ZNF480: variants seen among roughly 807,000 people sequenced by gnomAD.
ZNF480 encodes the protein zinc finger protein 480.
Under a neutral mutation model 14.4 loss-of-function variants are expected in ZNF480, and 15 were observed. That is an observed-to-expected ratio of 1.04 (90% confidence interval 0.70 to 1.60). The LOEUF is 1.60. Ranked by LOEUF, ZNF480 falls within the 40% of genes most tolerant of loss-of-function variation. ZNF480 has a pLI of 0.00. For missense variants in ZNF480, 593 were observed against 629.7 expected (o/e 0.94, Z 0.62); for synonymous variants, 218 against 215.5 (o/e 1.01, Z -0.10).
At position 52,324,689 on chromosome 19, in the gene ZNF480, C is replaced by T. The variant is rs1465690093; in HGVS notation, c.*1831C>T. ...AAACTGACAAGCAATGAAGTAAGAA[C>T]TTCATTCAATAAGTGGTGCTGGCAT... On this transcript the variant is annotated 3_prime_UTR_variant, in exon 5 of 5. Coordinates refer to ENST00000595962, the MANE Select transcript of ZNF480 (RefSeq NM_144684.4). 3 of 152,194 alleles carry T rather than the reference C, an allele frequency of 2.0e-5. No homozygotes were observed. Among genetic ancestry groups the T allele is most frequent in the Middle Eastern group, 3.4e-3 (1 of 294 alleles). The allele number at this position is 152,194 out of a possible 1,614,324, so 9.4% of individuals were successfully genotyped here.
intron 2 of ZNF480, among the ~76,000 whole-genome samples, chr19:52,302,462 C>CTA: frequency 6.6e-6 from 1 of 152,232 alleles, no homozygotes; most frequent in Middle Eastern, 3.4e-3. Context: ...GTTTAATACT[C>CTA]TATATAGAGA....
chr19:52,311,567 A>G (rs985742000), intron 2 of ZNF480, among the ~76,000 whole-genome samples: 2 of 152,180 alleles, frequency 1.3e-5, no homozygotes, highest in Admixed American at 1.3e-4. Flanking sequence ...TAATGGCTTA[A>G]TATACAGCAA....
At chr19:52,306,567 C>T (rs1982941275) in intron 2 of ZNF480, among the ~76,000 whole-genome samples, 2 of 152,174 alleles carry the variant, frequency 1.3e-5, no homozygotes, top group Admixed American at 6.5e-5. Context: ...TAGACAAGCT[C>T]AAGTAAGTGC....
At chr19:52,312,898 G>A (rs151100502) in intron 2 of ZNF480, among the ~76,000 whole-genome samples, 163 of 151,856 alleles carry the variant, frequency 1.1e-3, no homozygotes, top group African/African-American at 3.6e-3. Flanking sequence ...TTGGCTCATC[G>A]CAGCTTCTGC....
chr19:52,309,968 C>G (rs979387387), intron 2 of ZNF480, among the ~76,000 whole-genome samples: 1 of 151,810 alleles, frequency 6.6e-6, no homozygotes, highest in African/African-American at 2.4e-5. Context: ...CTGTATGTGT[C>G]ATTTTATAAA....
chr19:52,321,588 A>G lies in ZNF480; in HGVS notation c.338A>G (p.Tyr113Cys). 6.3e-7 allele frequency: 1 copy of G among 1,590,098 alleles called. No individual in the cohort carries two copies. Among genetic ancestry groups the G allele is most frequent in the Non-Finnish European group, 8.6e-7 (1 of 1,166,996 alleles). The change falls in exon 5 of 5, where the codon TAT (tyrosine) becomes TGT (cysteine). Residue 113 changes from tyrosine (Y) to cysteine (C), a missense_variant. Tyr to Cys is a radical substitution (Grantham distance 194, BLOSUM62 -2). Transcript: ENST00000595962. Reference protein sequence around the residue: ...CIKGVNTGSSYALGSNAEDKP... With the variant: ...CIKGVNTGSSCALGSNAEDKP... ...TTTCTTGCTTTCCTAGGGAGCAGCTATGCATTGGGAAGCAATGCAGAAGAC... is the reference window on the plus strand; with the variant it reads ...TTTCTTGCTTTCCTAGGGAGCAGCTGTGCATTGGGAAGCAATGCAGAAGAC...
At chr19:52,308,002 G>A (rs767658032) in intron 2 of ZNF480, among the ~76,000 whole-genome samples, 5 of 152,148 alleles carry the variant, frequency 3.3e-5, no homozygotes, top group African/African-American at 7.2e-5. Flanking sequence ...TGCCAGCACC[G>A]CAGTCCTTCT....
At chr19:52,317,920 T>C (rs929409781) in intron 4 of ZNF480, among the ~76,000 whole-genome samples, 2 of 152,108 alleles carry the variant, frequency 1.3e-5, no homozygotes, top group South Asian at 4.1e-4. Flanking sequence ...ATATTCTTTA[T>C]TGGTGTGAGG....
chr19:52,297,625 GC>G (rs1358989060), intron 1 of ZNF480: 1 of 183,756 alleles, frequency 5.4e-6, no homozygotes, highest in East Asian at 1.9e-4. Flanking sequence ...CGCGTCTTCT[GC>G]CCAGTGCTGG....
chr19:52,309,399 T>C (rs1423539990), intron 2 of ZNF480, among the ~76,000 whole-genome samples: 1 of 152,158 alleles, frequency 6.6e-6, no homozygotes, highest in African/African-American at 2.4e-5. Flanking sequence ...TGTGGGGCAA[T>C]AGGAAGCTGG....
chr19:52,300,699 T>A, intron 2 of ZNF480: 1 of 798,388 alleles, frequency 1.3e-6, no homozygotes, highest in Non-Finnish European at 1.9e-6. Context: ...GAATAGAGTG[T>A]AAAGTGGGAT....
intron 4 of ZNF480, among the ~76,000 whole-genome samples, chr19:52,319,482 C>G (rs1983705848): frequency 6.6e-6 from 1 of 152,116 alleles, no homozygotes; most frequent in African/African-American, 2.4e-5. Flanking sequence ...TGGCAAATAT[C>G]TTTTTTGTTG....
At chr19:52,300,604 C>T in intron 2 of ZNF480, 120 bp downstream of exon 2, 1 of 1,539,994 alleles carries the variant, frequency 6.5e-7, no homozygotes, top group Admixed American at 1.8e-5. Context: ...TCACGCTTAC[C>T]TATGCCTTCC....
chr19:52,321,924 A>C lies in ZNF480; in HGVS notation c.674A>C (p.His225Pro), dbSNP rs769271635. The C allele has an allele frequency of 1.3e-5, 21 of 1,614,058 alleles. No individual in the cohort carries two copies. In the Admixed American group the frequency reaches 1.8e-4, roughly 14 times the overall value. ...SSSLTKHQVI[H>P]TVEKPYKCNS... is the part of the protein sequence containing the mutation. ...AGCCTTACTAAACATCAAGTAATCC[A>C]TACTGTAGAGAAACCTTACAAATGT... is the stretch of plus-strand genomic sequence containing the variant. Residue 225 changes from histidine to proline, a missense_variant, in exon 5 of 5, where the codon CAT (histidine) becomes CCT (proline). Transcript: ENST00000595962.
In ZNF480 at chr19:52,322,789, T is replaced by C. The variant is rs755118911; in HGVS notation, c.1539T>C (p.Cys513=). Residue 513 remains cysteine, a synonymous_variant, in exon 5 of 5, where the codon TGT becomes TGC. Transcript: ENST00000595962. ...KIHTGEKPYK[C]NECGKAFSRI... The stretch of plus-strand genomic sequence containing the variant: ...ATACTGGAGAGAAACCTTACAAATG[T>C]AATGAGTGTGGCAAGGCCTTTAGTC... 18 of 1,612,558 alleles carry C rather than the reference T, an allele frequency of 1.1e-5. No homozygotes were observed. Among genetic ancestry groups the C allele is most frequent in the African/African-American group, 5.3e-5 (4 of 74,912 alleles).
chr19:52,322,366 A>G lies in ZNF480; in HGVS notation c.1116A>G (p.Lys372=). 1 of 1,614,008 alleles carries G rather than the reference A, an allele frequency of 6.2e-7. No individual in the cohort carries two copies. ...TTCATACTGGAGAGAAACCTTACAA[A>G]TGTAATGAATGTGGAAAGGTCTTTA... ...QKIHTGEKPY[K]CNECGKVFIQ... The change falls in exon 5 of 5, where the codon AAA becomes AAG. Residue 372 remains lysine (K), a synonymous_variant. Transcript: ENST00000595962.
intron 1 of ZNF480, among the ~76,000 whole-genome samples, chr19:52,299,442 C>A (rs146110182): frequency 6.6e-6 from 1 of 152,310 alleles, no homozygotes; most frequent in Admixed American, 6.5e-5. Context: ...CGCTACTTCA[C>A]GTGCTGGTTG....
At chr19:52,303,206 A>G (rs1017134359) in intron 2 of ZNF480, among the ~76,000 whole-genome samples, 3 of 152,212 alleles carry the variant, frequency 2.0e-5, no homozygotes, top group African/African-American at 7.2e-5. Context: ...ATCCAGAGTA[A>G]GAAGCTTTAC....
Position 52,322,574 on chromosome 19 carries a change from C to T in ZNF480, c.1324C>T (p.Leu442Phe). 1 of 1,614,040 alleles carries T rather than the reference C, an allele frequency of 6.2e-7. No individual in the cohort carries two copies. Among genetic ancestry groups the T allele is most frequent in the Non-Finnish European group, 8.5e-7 (1 of 1,179,988 alleles). ...TAAAGCATTTAGTGAGTATTCAGGC[C>T]TTTCAGCCCATCTTGTAATCCACAC... is the stretch of plus-strand genomic sequence containing the variant. ...CGKAFSEYSGLSAHLVIHTGE... is the reference protein window; with the variant it reads ...CGKAFSEYSGFSAHLVIHTGE... The change falls in exon 5 of 5, where the codon CTT becomes TTT. Residue 442 changes from leucine to phenylalanine, a missense_variant. Physicochemically the swap from Leu to Phe is conservative, Grantham distance 22. Transcript: ENST00000595962.
Sources: gnomAD v4.1 joint callset for allele counts (sites outside exome capture counted in the v4.1 genomes callset) on GRCh38, gnomAD v4.1.1 for gene constraint, MANE v1.5 for transcripts, NCBI Gene and HGNC (gene_info 2026-07-23, HGNC 2026-07-21) for gene names.